TBC1D15: variants seen among roughly 807,000 people sequenced by gnomAD.
TBC1D15 encodes TBC1 domain family member 15.
A neutral mutation model predicts 95.4 loss-of-function variants in TBC1D15; 39 were observed. The observed-to-expected ratio is 0.41, with a 90% confidence interval of 0.32 to 0.53. The LOEUF (loss-of-function observed/expected upper bound fraction) is 0.53. TBC1D15 is among the 20% of genes least tolerant of loss of function. TBC1D15 has a pLI of 0.29. For missense variants in TBC1D15, 733 were observed against 794.3 expected (o/e 0.92, Z 0.93); for synonymous variants, 258 against 261.3 (o/e 0.99, Z 0.12).
intron 1 of TBC1D15, chr12:71,849,439 G>T (rs1887199689): frequency 8.9e-7 from 1 of 1,120,832 alleles, no homozygotes; most frequent in Non-Finnish European, 1.4e-6. Flanking sequence ...AACACTCCAT[G>T]GGCCTCTTCA....
At chr12:71,856,712 A>G (rs1478141461) in intron 1 of TBC1D15, among the ~76,000 whole-genome samples, 1 of 152,120 alleles carries the variant, frequency 6.6e-6, no homozygotes, top group Non-Finnish European at 1.5e-5. Flanking sequence ...GGACCTACTC[A>G]TGTTCACAGC....
At chr12:71,861,890 T>C (rs972570040) in intron 1 of TBC1D15, among the ~76,000 whole-genome samples, 6 of 148,712 alleles carry the variant, frequency 4.0e-5, no homozygotes, top group African/African-American at 1.5e-4. Context: ...GTGTTTCTAT[T>C]TTTGTTTGTT....
intron 16 of TBC1D15, among the ~76,000 whole-genome samples, chr12:71,922,637 G>A (rs1869864574): frequency 6.6e-6 from 1 of 152,130 alleles, no homozygotes; most frequent in African/African-American, 2.4e-5. Context: ...TTCTTGCCTT[G>A]AAGAACTTTG....
At chr12:71,916,109 C>T (rs552642352) in intron 12 of TBC1D15, among the ~76,000 whole-genome samples, 1 of 152,142 alleles carries the variant, frequency 6.6e-6, no homozygotes, top group African/African-American at 2.4e-5. Flanking sequence ...CTTTGTTATA[C>T]CCATCATCCA....
intron 14 of TBC1D15, among the ~76,000 whole-genome samples, chr12:71,919,285 T>C (rs1415586266): frequency 1.3e-5 from 2 of 151,876 alleles, no homozygotes; most frequent in Non-Finnish European, 2.9e-5. Context: ...AGTAATCCTC[T>C]TGCCTCAGCT....
At position 71,849,948 on chromosome 12, in the gene TBC1D15, GT is replaced by G. The variant is rs903548383; in HGVS notation, c.30+10138del. On this transcript the variant is annotated intron_variant, in intron 1 of 16. Coordinates refer to ENST00000485960, the MANE Select transcript of TBC1D15 (RefSeq NM_001146213.3). ...GAAAAGGCTAAGTTTCCCCTGAAGG[GT>G]GTTGATCCAGTATTGCAGGAGTGCT... The G allele has an allele frequency of 5.6e-6, 3 of 538,624 alleles. No homozygotes were observed. The African/African-American group carries it at 5.8e-5, about 10-fold the overall frequency. 33.4% of individuals were successfully genotyped at this position (538,624 alleles called of 1,614,324 possible).
intron 10 of TBC1D15, among the ~76,000 whole-genome samples, chr12:71,901,331 G>GTT (rs142369032): frequency 2.0e-5 from 3 of 151,642 alleles, no homozygotes; most frequent in African/African-American, 7.3e-5. Context: ...CAATATTGCT[G>GTT]TTTTTTTTGT....
At chr12:71,865,539 C>G (rs991570312) in intron 1 of TBC1D15, among the ~76,000 whole-genome samples, 1 of 152,078 alleles carries the variant, frequency 6.6e-6, no homozygotes, top group Non-Finnish European at 1.5e-5. Flanking sequence ...GGTGCAGTAG[C>G]AGCAAGTACC....
At chr12:71,868,918 C>T (rs1242391993) in intron 1 of TBC1D15, 2 of 152,138 alleles carry the variant, frequency 1.3e-5, no homozygotes, top group Non-Finnish European at 2.9e-5. Context: ...AGTGTTATTT[C>T]TGAGTATGTC....
chr12:71,878,843 C>G (rs535792202), intron 3 of TBC1D15, among the ~76,000 whole-genome samples: 8 of 150,636 alleles, frequency 5.3e-5, no homozygotes, highest in Non-Finnish European at 1.0e-4. Context: ...AAAAAAAAAA[C>G]TAGTCAAACA....
intron 16 of TBC1D15, 106 bp from the exon 17 acceptor site, chr12:71,922,877 A>G (rs1869969019): frequency 9.3e-7 from 1 of 1,069,802 alleles, no homozygotes; most frequent in South Asian, 1.5e-5. Flanking sequence ...TGTTAGGACA[A>G]ATGCTCAGAT....
At chr12:71,880,699 GAGA>G in intron 4 of TBC1D15, 92 bp downstream of exon 4, 12 of 1,338,418 alleles carry the variant, frequency 9.0e-6, no homozygotes, top group Non-Finnish European at 1.2e-5. Context: ...GCTCCTCAGT[GAGA>G]AGGATGATTA....
At chr12:71,873,098 T>G in intron 3 of TBC1D15, 95 bp downstream of exon 3, 1 of 815,236 alleles carries the variant, frequency 1.2e-6, no homozygotes, top group Non-Finnish European at 1.9e-6. Flanking sequence ...TGCATCCTTT[T>G]AAAGCATACA....
In TBC1D15 at chr12:71,894,846, A is replaced by G; in HGVS notation, c.818A>G (p.Asn273Ser). 1 of 1,613,040 alleles carries G rather than the reference A, an allele frequency of 6.2e-7. No homozygotes were observed. The change falls in exon 7 of 17, where the codon AAT becomes AGT. Residue 273 changes from asparagine to serine, a missense_variant. By Grantham distance (46) the Asn-to-Ser change is conservative. Coordinates refer to ENST00000485960, the MANE Select transcript of TBC1D15 (RefSeq NM_001146213.3). Reference sequence around the variant, plus strand: ...GATGCTATTCCAGGTCTAAAGATAAATCAACAAGAAGAACCAGGATTTGAA... The same window carrying G: ...GATGCTATTCCAGGTCTAAAGATAAGTCAACAAGAAGAACCAGGATTTGAA... Reference protein sequence around the residue: ...LSDAIPGLKINQQEEPGFEVI... With the variant: ...LSDAIPGLKISQQEEPGFEVI...
Position 71,897,888 on chromosome 12 carries a change from G to A in TBC1D15, c.1130G>A (p.Ser377Asn). The A allele has an allele frequency of 6.2e-7, 1 of 1,612,768 alleles. No individual in the cohort carries two copies. The highest frequency in any genetic ancestry group is 8.5e-7 in the Non-Finnish European group (1 of 1,179,164). ...ATGAAACTGCAGTGGAAATCCATCAGCCAGGAACAAGAGAAAAGAAATTCG... is the reference window on the plus strand; with the variant it reads ...ATGAAACTGCAGTGGAAATCCATCAACCAGGAACAAGAGAAAAGAAATTCG... The part of the protein sequence containing the change: ...FRMKLQWKSI[S>N]QEQEKRNSRL... Residue 377 changes from serine (S) to asparagine (N), a missense_variant, in exon 10 of 17, where the codon AGC (serine) becomes AAC (asparagine). Ser to Asn is a conservative substitution (Grantham distance 46). Transcript: ENST00000485960.
At chr12:71,919,797 G>C (rs1331213914) in intron 14 of TBC1D15, among the ~76,000 whole-genome samples, 1 of 152,134 alleles carries the variant, frequency 6.6e-6, no homozygotes, top group Non-Finnish European at 1.5e-5. Flanking sequence ...ACCAAGGTCT[G>C]ATTGAAAAAT....
Position 71,907,016 on chromosome 12 carries a change from C to G in TBC1D15, c.1184-6C>G. On this transcript the variant is annotated splice_region_variant and splice_polypyrimidine_tract_variant and intron_variant, in intron 10 of 16. Transcript: ENST00000485960. ...TTTTCAAATATGTGATGATTTTCCT[C>G]TTCAGAAAAAGATGTTAACAGAACA... 6.4e-7 allele frequency: 1 copy of G among 1,565,554 alleles called. No individual in the cohort carries two copies. Among genetic ancestry groups the G allele is most frequent in the Non-Finnish European group, 8.7e-7 (1 of 1,151,496 alleles).
At chr12:71,863,321 T>C (rs933789100) in intron 1 of TBC1D15, among the ~76,000 whole-genome samples, 6 of 152,008 alleles carry the variant, frequency 3.9e-5, no homozygotes, top group Non-Finnish European at 5.9e-5. Context: ...GAGCTTGCAG[T>C]GAGCCAAGAT....
chr12:71,854,933 A>C (rs1318315365), intron 1 of TBC1D15: 1 of 448,566 alleles, frequency 2.2e-6, no homozygotes, highest in Non-Finnish European at 4.5e-6. Flanking sequence ...TTTGATTTAG[A>C]TCCTATTTAA....
Sources: gnomAD v4.1 joint callset for allele counts (sites outside exome capture counted in the v4.1 genomes callset) on GRCh38, gnomAD v4.1.1 for gene constraint, MANE v1.5 for transcripts, NCBI Gene and HGNC (gene_info 2026-07-23, HGNC 2026-07-21) for gene names.